The following GCSAML variants were observed in gnomAD, a reference collection of about 807,000 sequenced individuals.
GCSAML encodes germinal center associated signaling and motility like, also known as germinal center-associated signaling and motility-like protein.
In GCSAML, 9 loss-of-function variants were observed where a neutral mutation model predicts 13.0. The ratio of observed to expected loss-of-function variants is 0.69; its 90% CI spans 0.42 to 1.21. The LOEUF (loss-of-function observed/expected upper bound fraction) is 1.21, where lower values mean the gene tolerates loss of function less well. Among genes scored for constraint, GCSAML ranks in the 50% most tolerant of loss-of-function variants. GCSAML has a pLI of 0.00. For synonymous variants in GCSAML, 37 were observed against 52.9 expected (o/e 0.70, Z 1.31); for missense variants, 143 against 153.4 (o/e 0.93, Z 0.36).
chr1:247,570,638 G>A (rs983192566), intron 4 of GCSAML, among the ~76,000 whole-genome samples: 3 of 152,000 alleles, frequency 2.0e-5, no homozygotes, highest in Admixed American at 2.0e-4. Flanking sequence ...ATATGTGGTT[G>A]ATTTTAGGAT....
chr1:247,553,886 T>C (rs1175082398), intron 1 of GCSAML, among the ~76,000 whole-genome samples: 9 of 152,246 alleles, frequency 5.9e-5, no homozygotes, highest in Middle Eastern at 3.2e-3. Context: ...TTAATAAATA[T>C]TTTTGCTAAT....
At chr1:247,519,537 G>A (rs538495741) in intron 1 of GCSAML, 2 of 152,326 alleles carry the variant, frequency 1.3e-5, no homozygotes, top group South Asian at 4.1e-4. Context: ...CAGGTAACAT[G>A]TATCTGCCTA....
intron 1 of GCSAML, among the ~76,000 whole-genome samples, chr1:247,514,426 C>G (rs188504187): frequency 6.6e-6 from 1 of 152,284 alleles, no homozygotes; most frequent in Admixed American, 6.5e-5. Context: ...TGTCAGTTGT[C>G]TGTTAACTCT....
At chr1:247,510,356 C>A (rs1665987455) in intron 1 of GCSAML, among the ~76,000 whole-genome samples, 1 of 151,922 alleles carries the variant, frequency 6.6e-6, no homozygotes, top group African/African-American at 2.4e-5. Flanking sequence ...GTGATACCTC[C>A]TTTATCATTT....
Position 247,577,104 on chromosome 1 carries a change from T to TG in GCSAML, c.*2724dup, listed in dbSNP as rs1304937438. The TG allele has an allele frequency of 6.6e-6, 1 of 152,228 alleles. No individual in the cohort carries two copies. The highest frequency in any genetic ancestry group is 1.5e-5 in the Non-Finnish European group (1 of 68,038). 9.4% of individuals were successfully genotyped at this position (152,228 alleles called of 1,614,324 possible). ...ATTTAAGAAATGTAACTATCTTATG[T>TG]GGTTATGAAGAACAATAGAATCATT... On this transcript the variant is annotated 3_prime_UTR_variant, in exon 5 of 5. Coordinates refer to ENST00000366488, the MANE Select transcript of GCSAML (RefSeq NM_145278.5).
chr1:247,515,464 G>T (rs1666179371), intron 1 of GCSAML, among the ~76,000 whole-genome samples: 1 of 152,178 alleles, frequency 6.6e-6, no homozygotes. Flanking sequence ...CCTTGATGAG[G>T]TCCTTGTAGG....
rs60303951 is a variant in GCSAML, at chr1:247,554,094, G to T, written c.30-2313G>T. Among the ~76,000 whole-genome samples, 559 of 152,182 alleles carry T rather than the reference G, an allele frequency of 3.7e-3. 8 individuals are homozygous for T. Among genetic ancestry groups the T allele is most frequent in the African/African-American group, 0.013 (536 of 41,518 alleles). ...TTTACCAATCTCATTAAATGGGTTG[G>T]CATCATTTTACATTTCTCTACTTTC... On this transcript the variant is annotated intron_variant, in intron 1 of 4. Transcript: ENST00000366488.
chr1:247,547,124 A>G (rs1572343383), upstream of GCSAML, among the ~76,000 whole-genome samples: 3 of 151,958 alleles, frequency 2.0e-5, no homozygotes, highest in Non-Finnish European at 2.9e-5. Context: ...CAAACAAACA[A>G]AAAAGCACAA....
intron 4 of GCSAML, among the ~76,000 whole-genome samples, chr1:247,571,225 G>A (rs1668600503): frequency 6.6e-6 from 1 of 152,174 alleles, no homozygotes; most frequent in African/African-American, 2.4e-5. Flanking sequence ...TGTTATGTGT[G>A]AATTTGATCC....
intron 1 of GCSAML, among the ~76,000 whole-genome samples, chr1:247,522,916 TA>T (rs36008669): frequency 0.78 from 103,138 of 131,992 alleles, 39,636 homozygotes; most frequent in East Asian, 0.88. Context: ...CAATAAATAC[TA>T]AAAAAAAAAA....
chr1:247,515,327 G>A (rs1666174730), intron 1 of GCSAML, among the ~76,000 whole-genome samples: 2 of 152,214 alleles, frequency 1.3e-5, no homozygotes, highest in Admixed American at 1.3e-4. Flanking sequence ...GAAGTTTGTG[G>A]TTGAGACATT....
chr1:247,532,412 TC>T (rs534871422), intron 2 of GCSAML: 301 of 1,613,896 alleles, frequency 1.9e-4, no homozygotes, highest in Non-Finnish European at 2.4e-4. Context: ...ATGTAAAAAC[TC>T]AAGACAACTA....
At chr1:247,572,381 T>G (rs1196129554) in intron 4 of GCSAML, among the ~76,000 whole-genome samples, 1 of 152,068 alleles carries the variant, frequency 6.6e-6, no homozygotes, top group African/African-American at 2.4e-5. Context: ...TTGTATGGAG[T>G]TTTTGCGTGG....
chr1:247,567,112 T>A (rs77081776), intron 4 of GCSAML, among the ~76,000 whole-genome samples: 2 of 147,710 alleles, frequency 1.4e-5, no homozygotes, highest in Non-Finnish European at 3.0e-5. Context: ...GAGCAAGGGC[T>A]TTTTTTTTTC....
chr1:247,532,418 C>CTT, intron 2 of GCSAML: 1 of 1,614,080 alleles, frequency 6.2e-7, no homozygotes, highest in South Asian at 1.1e-5. Context: ...AAACTCAAGA[C>CTT]AACTATGAAG....
At chr1:247,513,363 A>C (rs536107997) in intron 1 of GCSAML, among the ~76,000 whole-genome samples, 1 of 152,254 alleles carries the variant, frequency 6.6e-6, no homozygotes, top group East Asian at 1.9e-4. Flanking sequence ...CCTCCCCACC[A>C]AGCCTGAGTG....
In GCSAML at chr1:247,523,213, C is replaced by CA. The variant is rs538019546; in HGVS notation, c.-262-3726dup. On this transcript the variant is annotated intron_variant, in intron 1 of 5. Coordinates refer to the GCSAML transcript ENST00000366489. ...ACCACTGTAGTTTTGGTCTCTGTTA[C>CA]AGCAGCGTAATAATCAAGTAATAAT... Among the ~76,000 whole-genome samples the CA allele has an allele frequency of 3.3e-5, 5 of 152,244 alleles. No homozygotes were observed. In the South Asian group the frequency reaches 8.3e-4, roughly 25 times the overall value.
intron 2 of GCSAML, chr1:247,532,617 T>C (rs1667032371): frequency 2.8e-6 from 3 of 1,067,496 alleles, no homozygotes; most frequent in Non-Finnish European, 4.0e-6. Context: ...AAAAGTGTAT[T>C]TTAGTTCATT....
At position 247,575,021 on chromosome 1, in the gene GCSAML, A is replaced by C. The variant is rs2103085908; in HGVS notation, c.*639A>C. 1 of 152,900 alleles carries C rather than the reference A, an allele frequency of 6.5e-6. No individual in the cohort carries two copies. The allele number at this position is 152,900 out of a possible 1,614,324, so 9.5% of individuals were successfully genotyped here. ...AGCATTCTTTTCTACTGACTTCTTA[A>C]GTCTTTAGACAAAGCTTAACTCTTT... is the stretch of plus-strand genomic sequence containing the variant. On this transcript the variant is annotated 3_prime_UTR_variant, in exon 5 of 5. Coordinates refer to ENST00000366488, the MANE Select transcript of GCSAML (RefSeq NM_145278.5).
Sources: allele counts gnomAD v4.1 joint callset (sites outside exome capture counted in the v4.1 genomes callset), GRCh38; gene constraint gnomAD v4.1.1; transcripts MANE v1.5; gene names NCBI Gene and HGNC (gene_info 2026-07-23, HGNC 2026-07-21).